Variants in MYOM1 observed in about 807,000 individuals in gnomAD.
MYOM1 encodes the protein myomesin 1.
MYOM1 carries 164 observed loss-of-function variants against 205.3 expected under a neutral mutation model. That is an observed-to-expected ratio of 0.80 (90% CI 0.70 to 0.91). The LOEUF (loss-of-function observed/expected upper bound fraction) is 0.91, where lower values mean the gene tolerates loss of function less well. Ranked by LOEUF, MYOM1 falls within the 40% of genes least tolerant of loss-of-function variation. The pLI is 0.00. For synonymous variants in MYOM1, 772 were observed against 789.4 expected (o/e 0.98, Z 0.37); for missense variants, 2,011 against 2,127.3 (o/e 0.95, Z 1.08).
At chr18:3,143,220 T>C (rs997833243) in intron 13 of MYOM1, among the ~76,000 whole-genome samples, 11 of 120,472 alleles carry the variant, frequency 9.1e-5, no homozygotes, top group Non-Finnish European at 1.7e-4. Context: ...TGCACTATGC[T>C]GGACAAAGCT....
chr18:3,083,900 A>G lies in MYOM1; in HGVS notation c.4379-6T>C, dbSNP rs1381243317. The stretch of plus-strand genomic sequence containing the variant: ...CAGGTCTGTAGCAGACAAAGCTGAA[A>G]GAAGAAAATAGCATATTTCATACAT... On this transcript the variant is annotated splice_region_variant and splice_polypyrimidine_tract_variant and intron_variant, in intron 32 of 37. Transcript: ENST00000356443. 2.5e-6 allele frequency: 4 copies of G among 1,576,034 alleles called. No homozygotes were observed. The highest frequency in any genetic ancestry group is 3.5e-6 in the Non-Finnish European group (4 of 1,159,246).
intron 5 of MYOM1, among the ~76,000 whole-genome samples, chr18:3,178,079 C>T (rs2080674856): frequency 6.6e-6 from 1 of 152,112 alleles, no homozygotes; most frequent in Non-Finnish European, 1.5e-5. Context: ...CTGGACCAGG[C>T]TTTTCTACTT....
intron 19 of MYOM1, among the ~76,000 whole-genome samples, chr18:3,123,472 A>G (rs1414481696): frequency 1.3e-5 from 2 of 152,114 alleles, no homozygotes; most frequent in African/African-American, 4.8e-5. Flanking sequence ...CTTTAATAAG[A>G]GGCTTTAAAA....
Position 3,129,419 on chromosome 18 carries a change from G to C in MYOM1, c.2607C>G (p.Phe869Leu), listed in dbSNP as rs1555620828. The C allele has an allele frequency of 1.9e-6, 3 of 1,613,828 alleles. No individual in the cohort carries two copies. The African/African-American group carries it at 4.0e-5, about 22-fold the overall frequency. ...TGCTGCCAAGCAAAGCATCTTTCTG[G>C]AAGGTTGGCGGGGAGGCTTCATGCA... ...GRVHEASPPT[F>L]QKDALLGSKP... Residue 869 changes from phenylalanine (F) to leucine (L), a missense_variant, in exon 18 of 38, where the codon TTC (phenylalanine) becomes TTG (leucine). Transcript: ENST00000356443.
intron 34 of MYOM1, among the ~76,000 whole-genome samples, chr18:3,076,858 C>T (rs929461239): frequency 5.3e-5 from 8 of 151,550 alleles, no homozygotes; most frequent in Admixed American, 2.6e-4. Flanking sequence ...GGACTTCAGG[C>T]ACCCACCACC....
intron 19 of MYOM1, among the ~76,000 whole-genome samples, chr18:3,121,591 G>A (rs1455582620): frequency 6.6e-6 from 1 of 152,088 alleles, no homozygotes; most frequent in Non-Finnish European, 1.5e-5. Context: ...TTAAAACACA[G>A]ACACATACAT....
intron 25 of MYOM1, among the ~76,000 whole-genome samples, chr18:3,098,602 G>T (rs1367246932): frequency 6.6e-6 from 1 of 151,996 alleles, no homozygotes; most frequent in African/African-American, 2.4e-5. Flanking sequence ...TATATGGGAG[G>T]TGCTATAAAC....
intron 34 of MYOM1, among the ~76,000 whole-genome samples, chr18:3,076,901 A>G (rs2079026090): frequency 1.3e-5 from 2 of 151,546 alleles, no homozygotes; most frequent in East Asian, 1.9e-4. Context: ...TTTTGTAGAG[A>G]CGGGGTTTCA....
In MYOM1 at chr18:3,188,884, C is replaced by G. The variant is rs200770047; in HGVS notation, c.635G>C (p.Arg212Thr). 3.7e-6 allele frequency: 6 copies of G among 1,611,176 alleles called. No individual in the cohort carries two copies. The highest frequency in any genetic ancestry group is 5.1e-6 in the Non-Finnish European group (6 of 1,178,676). Residue 212 changes from arginine (R) to threonine (T), a missense_variant, in exon 4 of 38, where the codon AGG becomes ACG. Arg to Thr is a moderately conservative substitution (Grantham distance 71). Coordinates refer to ENST00000356443, the MANE Select transcript of MYOM1 (RefSeq NM_003803.4). ...STASKQSTAS[R>T]QSTASRQSVV... Reference sequence around the variant, plus strand: ...AGACTGCCTGGATGCCGTGGACTGCCTGGATGCCGTGGACTGCTTGGATGC... The same window carrying G: ...AGACTGCCTGGATGCCGTGGACTGCGTGGATGCCGTGGACTGCTTGGATGC...
In MYOM1 at chr18:3,129,365, G is replaced by C. The variant is rs1482412898; in HGVS notation, c.2661C>G (p.Ser887Arg). 1.2e-6 allele frequency: 2 copies of C among 1,613,992 alleles called. No homozygotes were observed. Among genetic ancestry groups the C allele is most frequent in the South Asian group, 2.2e-5 (2 of 91,080 alleles). ...SKPNKPSLPS[S>R]SQNLGQTEVS... is the part of the protein sequence containing the mutation. ...CTTCTGTTTGGCCCAGGTTTTGAGA[G>C]CTACTGGGTAGTGAAGGTTTGTTAG... The change falls in exon 18 of 38, where the codon AGC becomes AGG. Residue 887 changes from serine to arginine, a missense_variant. Physicochemically the swap from Ser to Arg is moderately radical, Grantham distance 110. Transcript: ENST00000356443.
chr18:3,138,858 G>T (rs2080008868), intron 14 of MYOM1, among the ~76,000 whole-genome samples: 1 of 152,196 alleles, frequency 6.6e-6, no homozygotes, highest in Non-Finnish European at 1.5e-5. Context: ...AGGTGGCCCA[G>T]TGTAATAGTT....
intron 18 of MYOM1, among the ~76,000 whole-genome samples, chr18:3,127,305 A>ATATATTTTTTTTTTT (rs56880961): frequency 2.1e-4 from 10 of 47,566 alleles, no homozygotes; most frequent in African/African-American, 6.5e-4. Flanking sequence ...ATATATATAT[A>ATATATTTTTTTTTTT]TTTTTTTTTT....
chr18:3,228,316 C>T, the MYOM1 span, among the ~76,000 whole-genome samples: 3 of 152,166 alleles, frequency 2.0e-5, no homozygotes, highest in African/African-American at 7.2e-5. The surrounding 1 kb of genome is among the most constrained non-coding windows in gnomAD (Gnocchi z 4.5). Flanking sequence ...GGATAGTAAG[C>T]GTGTCTGCCT....
chr18:3,142,265 G>T (rs1452421822), intron 13 of MYOM1, among the ~76,000 whole-genome samples: 11 of 151,442 alleles, frequency 7.3e-5, no homozygotes, highest in South Asian at 2.1e-4. Context: ...TGTTGTTTTG[G>T]TTTTTTTTGG....
intron 25 of MYOM1, among the ~76,000 whole-genome samples, chr18:3,099,210 AG>A (rs1016233976): frequency 6.6e-6 from 1 of 152,228 alleles, no homozygotes; most frequent in African/African-American, 2.4e-5. Flanking sequence ...ATGTAAGAGA[AG>A]GTCCGCAATT....
At chr18:3,194,087 CTT>C (rs1400599625) in intron 2 of MYOM1, 129 bp from the exon 3 acceptor site, 2 of 915,736 alleles carry the variant, frequency 2.2e-6, no homozygotes, top group Non-Finnish European at 3.2e-6. Context: ...ACAATTATCT[CTT>C]ATCTTTAGAA....
chr18:3,218,923 G>C (rs917334041), intron 1 of MYOM1, among the ~76,000 whole-genome samples: 1 of 152,004 alleles, frequency 6.6e-6, no homozygotes, highest in African/African-American at 2.4e-5. Context: ...TAGATAGTAA[G>C]TTACAAGTAA....
Position 3,142,046 on chromosome 18 carries a change from G to A in MYOM1, c.1918C>T (p.Pro640Ser), listed in dbSNP as rs1598716430. 6.2e-7 allele frequency: 1 copy of A among 1,613,662 alleles called. No homozygotes were observed. The highest frequency in any genetic ancestry group is 1.3e-5 in the African/African-American group (1 of 74,968). ...EEPSEGIVPG[P>S]PTDLSVTEAT... ...TCAGTGACAGAGAGGTCTGTCGGGG[G>A]GCCAGGCACAATACCCTCTGAAAAA... The change falls in exon 14 of 38, where the codon CCC (proline) becomes TCC (serine). Residue 640 changes from proline (P) to serine (S), a missense_variant. By Grantham distance (74) the Pro-to-Ser change is moderately conservative. Transcript: ENST00000356443.
chr18:3,087,823 G>T (rs1219335262), intron 29 of MYOM1, among the ~76,000 whole-genome samples: 1 of 151,290 alleles, frequency 6.6e-6, no homozygotes, highest in African/African-American at 2.4e-5. Flanking sequence ...TTTTTTTTTT[G>T]AGTAGACTAG....
Sources: allele counts gnomAD v4.1 joint callset (sites outside exome capture counted in the v4.1 genomes callset), GRCh38; gene constraint gnomAD v4.1.1; non-coding constraint Gnocchi (gnomAD v3.1); transcripts MANE v1.5; gene names NCBI Gene and HGNC (gene_info 2026-07-23, HGNC 2026-07-21).